Variants in IL13RA2 observed in about 807,000 individuals in gnomAD.
IL13RA2 encodes the protein interleukin 13 receptor subunit alpha 2.
In IL13RA2, 25 loss-of-function variants were observed where a neutral mutation model predicts 34.1. The ratio of observed to expected loss-of-function variants is 0.73; its 90% CI spans 0.53 to 1.03. The LOEUF (loss-of-function observed/expected upper bound fraction) is 1.03. Among genes scored for constraint, IL13RA2 ranks in the 50% least tolerant of loss-of-function variants. The probability of loss-of-function intolerance (pLI) is 0.00; values close to 1 mark genes in which losing one functional copy is unlikely to be tolerated. For synonymous variants in IL13RA2, 106 were observed against 100.4 expected (o/e 1.06, Z -0.33); for missense variants, 297 against 280.9 (o/e 1.06, Z -0.41).
rs782587362 is a variant in IL13RA2, at chrX:115,015,694, T to C, written c.222A>G (p.Arg74=). The C allele has an allele frequency of 1.7e-6, 2 of 1,203,310 alleles. No individual in the cohort carries two copies. The highest frequency in any genetic ancestry group is 3.5e-5 in the African/African-American group (2 of 57,028). ...ECTVEYELKY[R]NIGSETWKTI... Reference sequence around the variant, plus strand: ...CCTTCCATGTTTCACTACCAATGTTTCGGTATTTTAGTTCATATTCCACTG... The same window carrying C: ...CCTTCCATGTTTCACTACCAATGTTCCGGTATTTTAGTTCATATTCCACTG... Residue 74 remains arginine (R), a synonymous_variant, in exon 3 of 10, where the codon CGA becomes CGG. Coordinates refer to ENST00000243213, the MANE Select transcript of IL13RA2 (RefSeq NM_000640.3).
chrX:115,006,815 T>C (rs185698656), intron 8 of IL13RA2, among the ~76,000 whole-genome samples: 2 of 112,411 alleles, frequency 1.8e-5, no homozygotes, highest in African/African-American at 6.5e-5. Flanking sequence ...AACCACTTTA[T>C]ACAATGCATT....
At chrX:115,009,206 G>T (rs187513630) in intron 7 of IL13RA2, among the ~76,000 whole-genome samples, 5,118 of 102,792 alleles carry the variant, frequency 0.05, 114 homozygotes, top group Non-Finnish European at 0.077. Flanking sequence ...GTCTTTGTGG[G>T]TTTTTTTTTT....
chrX:115,005,011 T>G (rs1333103005), intron 9 of IL13RA2, among the ~76,000 whole-genome samples, 186 bp downstream of exon 9: 1 of 112,998 alleles, frequency 8.8e-6, no homozygotes, highest in South Asian at 3.6e-4. Context: ...CAAAATGAAG[T>G]CTTGTAAGCT....
At chrX:115,017,336 C>G (rs1305464672) in intron 1 of IL13RA2, 34 bp from the exon 2 acceptor site, 3 of 580,135 alleles carry the variant, frequency 5.2e-6, no homozygotes, top group Middle Eastern at 3.1e-4. Flanking sequence ...TTAACTTTAT[C>G]TTACATCAAA....
At chrX:115,007,292 C>CTA (rs2071689054) in intron 8 of IL13RA2, among the ~76,000 whole-genome samples, 1 of 111,944 alleles carries the variant, frequency 8.9e-6, no homozygotes, top group South Asian at 3.7e-4. Flanking sequence ...AGAGCTGCAT[C>CTA]TATATCTATG....
In IL13RA2 at chrX:115,004,061, C is replaced by G; in HGVS notation, c.*19G>C. On this transcript the variant is annotated 3_prime_UTR_variant, in exon 10 of 10. Coordinates refer to ENST00000243213, the MANE Select transcript of IL13RA2 (RefSeq NM_000640.3). ...GGAAACTGTTGAGTCAATACCATGT[C>G]TCTTGATATGGAAAGTCTTCATGTA... 1.0e-6 allele frequency: 1 copy of G among 996,464 alleles called. No individual in the cohort carries two copies. The highest frequency in any genetic ancestry group is 1.4e-6 in the Non-Finnish European group (1 of 704,988). 82.1% of individuals were successfully genotyped at this position (996,464 alleles called of 1,213,427 possible).
intron 7 of IL13RA2, among the ~76,000 whole-genome samples, chrX:115,009,254 T>C (rs2071696618): frequency 9.1e-6 from 1 of 110,038 alleles, no homozygotes; most frequent in African/African-American, 3.3e-5. Flanking sequence ...CTCTCCACAA[T>C]CCATCTTAAG....
chrX:115,004,095 A>G lies in IL13RA2; in HGVS notation c.1128T>C (p.Phe376=). The G allele has an allele frequency of 9.5e-7, 1 of 1,048,304 alleles. No individual in the cohort carries two copies. The highest frequency in any genetic ancestry group is 1.3e-6 in the Non-Finnish European group (1 of 750,241). 86.4% of individuals were successfully genotyped at this position (1,048,304 alleles called of 1,213,427 possible). ...PNTYPKMIPE[F]FCDT ...TGGAAAGTCTTCATGTATCACAGAA[A>G]AATTCTGGAATCTAGAAAGAACTCT... Residue 376 remains phenylalanine, a synonymous_variant, in exon 10 of 10, where the codon TTT becomes TTC. Coordinates refer to ENST00000243213, the MANE Select transcript of IL13RA2 (RefSeq NM_000640.3).
chrX:115,009,389 T>G, intron 7 of IL13RA2, 132 bp downstream of exon 7: 2 of 469,465 alleles, frequency 4.3e-6, no homozygotes, highest in Non-Finnish European at 7.2e-6. Flanking sequence ...TATTTGGCTT[T>G]CTGGAAATTG....
chrX:115,007,598 T>C (rs1353231550), intron 8 of IL13RA2, among the ~76,000 whole-genome samples: 2 of 111,746 alleles, frequency 1.8e-5, no homozygotes, highest in Non-Finnish European at 3.8e-5. Flanking sequence ...TATACTTGCT[T>C]TAAGATTTCT....
intron 1 of IL13RA2, 110 bp from the exon 2 acceptor site, chrX:115,017,412 G>A (rs2071732810): frequency 4.6e-6 from 2 of 437,225 alleles, no homozygotes; most frequent in Non-Finnish European, 4.0e-6. Flanking sequence ...ACCAAGAACT[G>A]GGAAAACTGT....
chrX:115,009,856 T>C (rs781815296), intron 6 of IL13RA2, among the ~76,000 whole-genome samples, 190 bp from the exon 7 acceptor site: 32 of 111,809 alleles, frequency 2.9e-4, no homozygotes, highest in Admixed American at 1.9e-4. Context: ...ACAAACTTGG[T>C]TATTTTGGAA....
intron 4 of IL13RA2, among the ~76,000 whole-genome samples, chrX:115,014,129 A>G (rs2071717345): frequency 8.9e-6 from 1 of 112,006 alleles, no homozygotes; most frequent in South Asian, 3.7e-4. Flanking sequence ...AAAGTAGTAA[A>G]TTGATTATTC....
At chrX:115,007,364 A>G in intron 8 of IL13RA2, among the ~76,000 whole-genome samples, 1 of 111,784 alleles carries the variant, frequency 8.9e-6, no homozygotes, top group Non-Finnish European at 1.9e-5. Context: ...AGTAATTTCT[A>G]CTCTTAAAGC....
Position 115,014,406 on chromosome X carries a change from G to T in IL13RA2, c.400+15C>A. 1.7e-5 allele frequency: 19 copies of T among 1,141,449 alleles called. No homozygotes were observed. The highest frequency in any genetic ancestry group is 2.1e-5 in the Non-Finnish European group (18 of 840,608). The allele number at this position is 1,141,449 out of a possible 1,213,427, so 94.1% of individuals were successfully genotyped here. ...TCTGATAGTATTAAATATGAAAAGAGAGCTTTGTTTTAACCTTGTGGTGAT... is the reference window on the plus strand; with the variant it reads ...TCTGATAGTATTAAATATGAAAAGATAGCTTTGTTTTAACCTTGTGGTGAT... On this transcript the variant is annotated intron_variant, in intron 4 of 9. Coordinates refer to ENST00000243213, the MANE Select transcript of IL13RA2 (RefSeq NM_000640.3).
chrX:115,005,093 G>A, intron 9 of IL13RA2, 104 bp downstream of exon 9: 1 of 508,811 alleles, frequency 2.0e-6, no homozygotes, highest in Non-Finnish European at 3.5e-6. Flanking sequence ...TACACCCACA[G>A]CGAACAAGCA....
chrX:115,009,864 G>C (rs2071699365), intron 6 of IL13RA2, among the ~76,000 whole-genome samples, 198 bp from the exon 7 acceptor site: 1 of 111,751 alleles, frequency 8.9e-6, no homozygotes, highest in Non-Finnish European at 1.9e-5. Context: ...GGTTATTTTG[G>C]AAACTCATTT....
At chrX:115,005,691 A>T (rs1445107772) in intron 8 of IL13RA2, among the ~76,000 whole-genome samples, 1 of 112,128 alleles carries the variant, frequency 8.9e-6, no homozygotes, top group African/African-American at 3.2e-5. Context: ...AACTCTCAGT[A>T]AGTCAAACGT....
At chrX:115,012,929 T>C (rs1411862141) in intron 5 of IL13RA2, among the ~76,000 whole-genome samples, 1 of 111,058 alleles carries the variant, frequency 9.0e-6, no homozygotes, top group East Asian at 2.8e-4. Context: ...TTCCAGAAGG[T>C]AATGCAAACA....
Sources: gnomAD v4.1 joint callset for allele counts (sites outside exome capture counted in the v4.1 genomes callset) on GRCh38, gnomAD v4.1.1 for gene constraint, MANE v1.5 for transcripts, NCBI Gene and HGNC (gene_info 2026-07-23, HGNC 2026-07-21) for gene names.